The following ADCK1 variants were observed in gnomAD, a reference collection of about 807,000 sequenced individuals.
ADCK1 encodes the protein aarF domain containing kinase 1.
ADCK1 carries 41 observed loss-of-function variants against 52.3 expected under a neutral mutation model. That is an observed-to-expected ratio of 0.78 (90% CI 0.61 to 1.02). ADCK1 has a LOEUF of 1.02. Ranked by LOEUF, ADCK1 falls within the 50% of genes least tolerant of loss-of-function variation. The probability of loss-of-function intolerance (pLI) is 0.00; values close to 1 mark genes in which losing one functional copy is unlikely to be tolerated. For synonymous variants in ADCK1, 250 were observed against 274.6 expected (o/e 0.91, Z 0.89); for missense variants, 658 against 679.5 (o/e 0.97, Z 0.35).
intron 5 of ADCK1, 48 bp downstream of exon 5, chr14:77,887,297 C>T (rs755505195): frequency 1.3e-6 from 2 of 1,492,860 alleles, no homozygotes; most frequent in African/African-American, 1.4e-5. Flanking sequence ...CTACATTTCC[C>T]TGGGATCCAG....
At chr14:77,915,971 C>T (rs1353180794) in intron 7 of ADCK1, among the ~76,000 whole-genome samples, 1 of 152,304 alleles carries the variant, frequency 6.6e-6, no homozygotes, top group East Asian at 1.9e-4. Context: ...CATATGTCCT[C>T]ATCACATGTT....
rs151052294 is a variant in ADCK1, at chr14:77,914,483, G to A, written c.858+6564G>A. ...ATTTGCTTTCAGCAAATGATTTCTC[G>A]AGCAGCTACCATGTGCAAGCACTGA... is the stretch of plus-strand genomic sequence containing the variant. On this transcript the variant is annotated intron_variant, in intron 7 of 10. Transcript: ENST00000238561. The A allele has an allele frequency of 5.2e-5, 51 of 985,432 alleles. No homozygotes were observed. The African/African-American group carries it at 7.5e-4, about 14-fold the overall frequency. The allele number at this position is 985,432 out of a possible 1,614,324, so 61.0% of individuals were successfully genotyped here.
intron 1 of ADCK1, among the ~76,000 whole-genome samples, chr14:77,818,178 C>A (rs779742885): frequency 1.3e-5 from 2 of 152,176 alleles, no homozygotes; most frequent in Non-Finnish European, 2.9e-5. Flanking sequence ...GCTAGTGATG[C>A]CTGTATGTGC....
intron 3 of ADCK1, among the ~76,000 whole-genome samples, chr14:77,852,901 ATATATATTTTTTTT>A (rs1190064300): frequency 3.1e-4 from 10 of 32,164 alleles, no homozygotes; most frequent in East Asian, 2.2e-3. Flanking sequence ...ATATATATAT[ATATATATTTTTTTT>A]TTTTTTTTTT....
chr14:77,896,355 G>A (rs1177502802), intron 5 of ADCK1, among the ~76,000 whole-genome samples: 1 of 152,204 alleles, frequency 6.6e-6, no homozygotes, highest in African/African-American at 2.4e-5. Flanking sequence ...ATCCACGTCT[G>A]GCCTATGGTA....
At chr14:77,853,885 A>G (rs1250845008) in intron 3 of ADCK1, among the ~76,000 whole-genome samples, 1 of 151,986 alleles carries the variant, frequency 6.6e-6, no homozygotes, top group African/African-American at 2.4e-5. Flanking sequence ...TCCTCAATTG[A>G]GGAGTCTTCT....
At chr14:77,905,068 C>T (rs895004200) in intron 6 of ADCK1, among the ~76,000 whole-genome samples, 2 of 152,200 alleles carry the variant, frequency 1.3e-5, no homozygotes, top group South Asian at 2.1e-4. Flanking sequence ...CCAGGGGCAC[C>T]TGTGGTTCTG....
intron 1 of ADCK1, among the ~76,000 whole-genome samples, chr14:77,816,425 T>TAGA (rs376340167): frequency 1.5e-4 from 12 of 81,120 alleles, no homozygotes; most frequent in African/African-American, 3.2e-4. Flanking sequence ...ACCTTTCTGA[T>TAGA]TGTGGATCTT....
At chr14:77,817,069 C>G (rs2081471343) in intron 1 of ADCK1, among the ~76,000 whole-genome samples, 2 of 151,370 alleles carry the variant, frequency 1.3e-5, no homozygotes, top group Admixed American at 1.3e-4. Context: ...TGGCAAAACC[C>G]TGTCTTTACT....
chr14:77,920,880 C>T (rs2084033580), intron 7 of ADCK1, among the ~76,000 whole-genome samples: 1 of 151,990 alleles, frequency 6.6e-6, no homozygotes, highest in African/African-American at 2.4e-5. Context: ...AAACGCCTGT[C>T]CTCAAGCAAT....
Position 77,854,555 on chromosome 14 carries a change from C to CTTT in ADCK1, c.220-4504_220-4502dup, listed in dbSNP as rs60062127. 3.1e-4 allele frequency among the ~76,000 whole-genome samples: 40 copies of CTTT among 128,584 alleles called. 1 individual carries two copies. Among genetic ancestry groups the CTTT allele is most frequent in the African/African-American group, 6.3e-4 (21 of 33,102 alleles). The allele number at this position is 128,584 out of a possible 152,430, so 84.4% of individuals were successfully genotyped here. ...AGGTAGCAGCTCTCTTCGGAGTGGG[C>CTTT]TTTTTTTTTTTTTTTTTTTGAGATG... On this transcript the variant is annotated intron_variant, in intron 3 of 10. Transcript: ENST00000238561.
intron 2 of ADCK1, 136 bp from the exon 3 acceptor site, chr14:77,822,299 C>A: frequency 1.5e-6 from 1 of 679,792 alleles, no homozygotes; most frequent in South Asian, 1.7e-5. Flanking sequence ...ATCCAGGGGC[C>A]AGGCATCTTA....
intron 3 of ADCK1, among the ~76,000 whole-genome samples, chr14:77,852,823 G>A (rs1477046714): frequency 7.8e-5 from 10 of 127,560 alleles, no homozygotes; most frequent in African/African-American, 2.4e-4. Flanking sequence ...TTACTTCTAT[G>A]TGTTTCATTC....
In ADCK1 at chr14:77,819,038, C is replaced by T. The variant is rs200680265; in HGVS notation, c.60C>T (p.Gly20=). Residue 20 remains glycine (G), a synonymous_variant, in exon 2 of 11, where the codon GGC becomes GGT. Coordinates refer to ENST00000238561, the MANE Select transcript of ADCK1 (RefSeq NM_020421.4). The part of the protein sequence containing the change: ...SWTSMALAAS[G]IYFYSNKYLD... ...CCAGCATGGCTCTTGCTGCCTCTGG[C>T]ATCTACTTCTACAGTAACAAGTACT... 26 of 1,614,190 alleles carry T rather than the reference C, an allele frequency of 1.6e-5. No homozygotes were observed. The East Asian group carries it at 5.6e-4, about 35-fold the overall frequency.
chr14:77,885,199 GA>G (rs1187619435), intron 4 of ADCK1, among the ~76,000 whole-genome samples: 1 of 152,202 alleles, frequency 6.6e-6, no homozygotes, highest in Non-Finnish European at 1.5e-5. Flanking sequence ...CCAGGCCCAA[GA>G]TAAAGGGTTC....
chr14:77,902,316 A>G (rs1174019430), intron 6 of ADCK1: 1 of 152,202 alleles, frequency 6.6e-6, no homozygotes, highest in Non-Finnish European at 1.5e-5. Flanking sequence ...GTACGTCTCC[A>G]TACTCCCAGT....
intron 4 of ADCK1, among the ~76,000 whole-genome samples, chr14:77,868,847 C>A (rs1479806768): frequency 6.6e-6 from 1 of 152,196 alleles, no homozygotes; most frequent in Non-Finnish European, 1.5e-5. Context: ...GGGGGATATA[C>A]AGAATGTTAA....
intron 3 of ADCK1, among the ~76,000 whole-genome samples, chr14:77,824,291 A>G (rs1431281139): frequency 6.6e-6 from 1 of 152,182 alleles, no homozygotes; most frequent in Non-Finnish European, 1.5e-5. Flanking sequence ...TACCTGCAAT[A>G]GATAAGGACC....
intron 10 of ADCK1, 26 bp downstream of exon 10, chr14:77,931,737 C>A: frequency 6.3e-7 from 1 of 1,589,130 alleles, no homozygotes; most frequent in Non-Finnish European, 8.5e-7. Context: ...TCCCTCTCCT[C>A]CCCTCCTAGC....
Sources: gnomAD v4.1 joint callset for allele counts (sites outside exome capture counted in the v4.1 genomes callset) on GRCh38, gnomAD v4.1.1 for gene constraint, MANE v1.5 for transcripts, NCBI Gene and HGNC (gene_info 2026-07-23, HGNC 2026-07-21) for gene names.